MIB1: variants seen among roughly 807,000 people sequenced by gnomAD.
The protein encoded by MIB1 is MIB E3 ubiquitin protein ligase 1, also known as E3 ubiquitin-protein ligase MIB1.
Under a neutral mutation model 124.5 loss-of-function variants are expected in MIB1, and 278 were observed. That is an observed-to-expected ratio of 2.23 (90% confidence interval 2.02 to 2.47). MIB1 has a LOEUF of 2.47. Ranked by LOEUF, MIB1 falls within the 30% of genes most tolerant of loss-of-function variation. MIB1 has a pLI of 0.00. For synonymous variants in MIB1, 446 were observed against 429.4 expected (o/e 1.04, Z -0.48); for missense variants, 957 against 1,254.4 (o/e 0.76, Z 3.58).
intron 6 of MIB1, among the ~76,000 whole-genome samples, chr18:21,786,577 T>C (rs531628673): frequency 6.6e-6 from 1 of 152,306 alleles, no homozygotes; most frequent in South Asian, 2.1e-4. Flanking sequence ...TGCCATTGAC[T>C]CAGTTTTGCT....
rs376834305 is a variant in MIB1 at position 21,842,091 on chromosome 18, C to CAAAAA, written c.1963-1017_1963-1013dup. On this transcript the variant is annotated intron_variant, in intron 13 of 20. Transcript: ENST00000261537. ...TGGGTGACAGAGTGAGACCCTATCT[C>CAAAAA]AAAAAAAAAAAAAAAAAAAAAAAAA... Among the ~76,000 whole-genome samples the CAAAAA allele has an allele frequency of 2.6e-3, 92 of 35,676 alleles. 2 individuals carry two copies. Among genetic ancestry groups the CAAAAA allele is most frequent in the African/African-American group, 7.0e-3 (40 of 5,742 alleles). 23.4% of individuals were successfully genotyped at this position (35,676 alleles called of 152,430 possible). A position where few individuals can be genotyped will look rare whatever the true frequency, so the allele number is the denominator to read the frequency against.
At chr18:21,727,585 A>G (rs1158295206) in intron 1 of MIB1, among the ~76,000 whole-genome samples, 1 of 152,158 alleles carries the variant, frequency 6.6e-6, no homozygotes, top group Non-Finnish European at 1.5e-5. Flanking sequence ...ATCTACAAAA[A>G]ACAAACAAAC....
intron 8 of MIB1, among the ~76,000 whole-genome samples, chr18:21,798,653 A>G (rs2041613917): frequency 6.6e-6 from 1 of 151,976 alleles, no homozygotes; most frequent in Non-Finnish European, 1.5e-5. Context: ...GTATATTTTT[A>G]CATATCAGTT....
At chr18:21,820,482 G>A (rs895050647) in intron 12 of MIB1, among the ~76,000 whole-genome samples, 18 of 152,246 alleles carry the variant, frequency 1.2e-4, no homozygotes, top group Middle Eastern at 3.4e-3. Flanking sequence ...GTGACCACAG[G>A]AAACAAAAGG....
chr18:21,752,689 G>A (rs183516666), intron 1 of MIB1, among the ~76,000 whole-genome samples: 3 of 152,176 alleles, frequency 2.0e-5, no homozygotes, highest in Non-Finnish European at 2.9e-5. Flanking sequence ...CAGTAAATCC[G>A]TACAACCACT....
At chr18:21,849,480 T>A in intron 17 of MIB1, 92 bp downstream of exon 17, 1 of 669,470 alleles carries the variant, frequency 1.5e-6, no homozygotes, top group Non-Finnish European at 2.3e-6. Flanking sequence ...TGCGTCTGTG[T>A]AATTTTGCTC....
rs771020731 is a variant in MIB1 at position 21,773,666 on chromosome 18, G to A, written c.574G>A (p.Ala192Thr). ...CTGGAGTGCATCAAGCCCACATAGC[G>A]CAGCATATGTCCTCTGGGATAATGG... ...QDWSASSPHSAAYVLWDNGAK... is the reference protein window; with the variant it reads ...QDWSASSPHSTAYVLWDNGAK... The change falls in exon 4 of 21, where the codon GCA becomes ACA. Residue 192 changes from alanine to threonine, a missense_variant. Ala to Thr is a moderately conservative substitution (Grantham distance 58). Transcript: ENST00000261537. 2.5e-6 allele frequency: 4 copies of A among 1,609,058 alleles called. No homozygotes were observed. The highest frequency in any genetic ancestry group is 2.2e-5 in the South Asian group (2 of 90,022).
chr18:21,780,403 C>T (rs549988678), intron 6 of MIB1, among the ~76,000 whole-genome samples: 90 of 152,270 alleles, frequency 5.9e-4, no homozygotes, highest in African/African-American at 2.0e-3. Context: ...CTACTGTTCC[C>T]AGCCTCTGGT....
chr18:21,821,395 C>T (rs758049820), intron 12 of MIB1, among the ~76,000 whole-genome samples: 3 of 151,976 alleles, frequency 2.0e-5, no homozygotes, highest in Non-Finnish European at 4.4e-5. Context: ...TCCCTCAGCC[C>T]GCTTTGCCCA....
chr18:21,806,640 A>G (rs2041710583), intron 10 of MIB1, among the ~76,000 whole-genome samples: 2 of 142,220 alleles, frequency 1.4e-5, no homozygotes, highest in African/African-American at 5.4e-5. Flanking sequence ...TTTTTTTTTG[A>G]GACGGAGTCT....
At chr18:21,832,087 G>A (rs144730219) in intron 12 of MIB1, among the ~76,000 whole-genome samples, 1 of 152,206 alleles carries the variant, frequency 6.6e-6, no homozygotes, top group African/African-American at 2.4e-5. Context: ...CATCATCAAG[G>A]GAGAAGAAAG....
intron 1 of MIB1, among the ~76,000 whole-genome samples, chr18:21,719,185 T>C (rs1169499723): frequency 6.8e-6 from 1 of 147,234 alleles, no homozygotes. Context: ...CAAAACTCCG[T>C]CTCAAAAAAA....
intron 17 of MIB1, among the ~76,000 whole-genome samples, chr18:21,852,288 GA>G (rs2042186898): frequency 6.6e-6 from 1 of 152,204 alleles, no homozygotes; most frequent in Non-Finnish European, 1.5e-5. Context: ...TGTAAGTTGG[GA>G]AAGTCCATAG....
chr18:21,846,950 A>C lies in MIB1; in HGVS notation c.2218A>C (p.Met740Leu), dbSNP rs959923631. Residue 740 changes from methionine to leucine, a missense_variant, in exon 16 of 21, where the codon ATG becomes CTG. Transcript: ENST00000261537. ...AWEPSKNTLIMGLGTQGAEKK... is the reference protein window; with the variant it reads ...AWEPSKNTLILGLGTQGAEKK... ...ACTCTTTATTTTATTGCAGTTAATA[A>C]TGGGACTTGGTACCCAGGGGGCAGA... 1 of 1,612,568 alleles carries C rather than the reference A, an allele frequency of 6.2e-7. No homozygotes were observed. Among genetic ancestry groups the C allele is most frequent in the African/African-American group, 1.3e-5 (1 of 74,828 alleles).
At chr18:21,814,312 C>G (rs548347477) in intron 10 of MIB1, among the ~76,000 whole-genome samples, 8 of 150,192 alleles carry the variant, frequency 5.3e-5, no homozygotes, top group African/African-American at 1.9e-4. Context: ...CATCACTTAA[C>G]CAGTTTTAAT....
chr18:21,725,785 G>GGGAAGGAAGGAAGGAA (rs35808714), intron 1 of MIB1, among the ~76,000 whole-genome samples: 1 of 150,944 alleles, frequency 6.6e-6, no homozygotes, highest in African/African-American at 2.4e-5. Flanking sequence ...GAGGGAGAGA[G>GGGAAGGAAGGAAGGAA]GGAAGGAAGG....
chr18:21,772,748 C>G (rs771228922), intron 3 of MIB1, among the ~76,000 whole-genome samples: 15 of 151,956 alleles, frequency 9.9e-5, no homozygotes, highest in Non-Finnish European at 2.1e-4. Flanking sequence ...GAGATGTTGT[C>G]TGGGTTTCCA....
chr18:21,835,772 GA>G (rs372315844), intron 12 of MIB1, among the ~76,000 whole-genome samples: 34,715 of 82,406 alleles, frequency 0.42, 5,958 homozygotes, highest in African/African-American at 0.59. Flanking sequence ...TCCATCTCAA[GA>G]AAAAAAAAAA....
intron 10 of MIB1, among the ~76,000 whole-genome samples, chr18:21,814,578 T>C (rs1028987627): frequency 1.3e-5 from 2 of 151,964 alleles, no homozygotes; most frequent in Admixed American, 1.3e-4. Context: ...AGGACCCTGA[T>C]TCTTTTTTTA....
Sources: gnomAD v4.1 joint callset for allele counts (sites outside exome capture counted in the v4.1 genomes callset) on GRCh38, gnomAD v4.1.1 for gene constraint, MANE v1.5 for transcripts, NCBI Gene and HGNC (gene_info 2026-07-23, HGNC 2026-07-21) for gene names.